Variants in CYP19A1 observed in about 807,000 individuals in gnomAD.
The protein encoded by CYP19A1 is cytochrome P450 family 19 subfamily A member 1.
A neutral mutation model predicts 44.4 loss-of-function variants in CYP19A1; 32 were observed. That is an observed-to-expected ratio of 0.72 (90% confidence interval 0.54 to 0.97). The LOEUF (loss-of-function observed/expected upper bound fraction) is 0.97. CYP19A1 is among the 50% of genes least tolerant of loss of function. The probability of loss-of-function intolerance (pLI) is 0.00; values close to 1 mark genes in which losing one functional copy is unlikely to be tolerated. For synonymous variants in CYP19A1, 212 were observed against 215.6 expected, an observed-to-expected ratio of 0.98 and a Z score of 0.14; for missense variants, 598 against 637.8, an observed-to-expected ratio of 0.94 and a Z score of 0.67.
intron 2 of CYP19A1, among the ~76,000 whole-genome samples, chr15:51,239,301 C>T (rs996340284): frequency 3.3e-5 from 5 of 152,160 alleles, no homozygotes; most frequent in African/African-American, 9.7e-5. Flanking sequence ...TTGCTTTCCA[C>T]GCCTTACAGA....
intron 1 of CYP19A1, chr15:51,255,376 A>G (rs2034474615): frequency 6.6e-6 from 1 of 152,212 alleles, no homozygotes; most frequent in Non-Finnish European, 1.5e-5. Flanking sequence ...TGTGTTCACC[A>G]TTTCTCATTA....
chr15:51,302,502 A>G (rs2036135572), intron 1 of CYP19A1, among the ~76,000 whole-genome samples: 1 of 152,212 alleles, frequency 6.6e-6, no homozygotes, highest in Non-Finnish European at 1.5e-5. Context: ...TATTTTCATC[A>G]GGGCAATGGT....
chr15:51,328,547 G>GGGGTGT (rs1555400229), intron 1 of CYP19A1, among the ~76,000 whole-genome samples: 1 of 147,318 alleles, frequency 6.8e-6, no homozygotes, highest in African/African-American at 2.5e-5. Flanking sequence ...ACAGGGCAGG[G>GGGGTGT]GTGTGTGTGT....
Position 51,227,742 on chromosome 15 carries a change from G to A in CYP19A1, c.451+37C>T, listed in dbSNP as rs776672913. 1.7e-5 allele frequency: 14 copies of A among 803,624 alleles called. 2 individuals carry two copies. In the South Asian group the frequency reaches 2.1e-4, roughly 12 times the overall value. The allele number at this position is 803,624 out of a possible 1,614,324, so 49.8% of individuals were successfully genotyped here. Reference sequence around the variant, plus strand: ...TGATTTCAAAAAAGGCACATTCATAGACAAAAAAGATTGTAGCTAACTAAG... The same window carrying A: ...TGATTTCAAAAAAGGCACATTCATAAACAAAAAAGATTGTAGCTAACTAAG... On this transcript the variant is annotated intron_variant, in intron 4 of 9. Transcript: ENST00000396402.
chr15:51,279,625 A>T lies in CYP19A1; in HGVS notation c.-38-36675T>A, dbSNP rs1210902634. ...TGAGTGAAAACTGACACATGCACCG[A>T]TGACATATACATTTCCCTTAAAGTC... On this transcript the variant is annotated intron_variant, in intron 1 of 9. Coordinates refer to ENST00000396402, the MANE Select transcript of CYP19A1 (RefSeq NM_000103.4). Among the ~76,000 whole-genome samples, 3 of 152,362 alleles carry T rather than the reference A, an allele frequency of 2.0e-5. No individual in the cohort carries two copies. In the East Asian group the frequency reaches 5.8e-4, roughly 29 times the overall value.
chr15:51,277,543 TA>T (rs1429479898), intron 1 of CYP19A1, among the ~76,000 whole-genome samples: 1 of 152,234 alleles, frequency 6.6e-6, no homozygotes, highest in East Asian at 1.9e-4. Context: ...GACATTGGAT[TA>T]AAAAGCTAAA....
chr15:51,297,549 G>T (rs1395139845), intron 1 of CYP19A1, among the ~76,000 whole-genome samples: 1 of 149,134 alleles, frequency 6.7e-6, no homozygotes, highest in Non-Finnish European at 1.5e-5. Flanking sequence ...TGACCCAGGG[G>T]TCAGTTCTAA....
At chr15:51,313,630 C>G (rs913522977) in intron 1 of CYP19A1, among the ~76,000 whole-genome samples, 5 of 152,132 alleles carry the variant, frequency 3.3e-5, no homozygotes, top group African/African-American at 1.2e-4. Context: ...AATCCCATCT[C>G]TACTAAAAAT....
chr15:51,228,515 ACTT>A (rs1595691890), intron 3 of CYP19A1, among the ~76,000 whole-genome samples: 1 of 152,180 alleles, frequency 6.6e-6, no homozygotes, highest in South Asian at 2.1e-4. Flanking sequence ...CTCCTTGGGC[ACTT>A]CTTCTAGCCC....
intron 1 of CYP19A1, among the ~76,000 whole-genome samples, chr15:51,332,101 A>T (rs2036711452): frequency 1.3e-5 from 2 of 152,146 alleles, no homozygotes; most frequent in African/African-American, 4.8e-5. Flanking sequence ...TTACTTATTT[A>T]AGCCCCCTTG....
At chr15:51,252,555 C>T (rs559358347) in intron 1 of CYP19A1, among the ~76,000 whole-genome samples, 8 of 152,144 alleles carry the variant, frequency 5.3e-5, no homozygotes, top group East Asian at 3.9e-4. Context: ...CAGTGAGAAA[C>T]GTTTAAGGGG....
At chr15:51,223,466 T>A (rs1454234437) in intron 4 of CYP19A1, among the ~76,000 whole-genome samples, 1 of 152,102 alleles carries the variant, frequency 6.6e-6, no homozygotes, top group Non-Finnish European at 1.5e-5. Context: ...TCTTTTATTA[T>A]TCAGGTTTGC....
rs745845217 is a variant in CYP19A1, at chr15:51,227,854, C to T, written c.376G>A (p.Gly126Ser). Reference protein sequence around the residue: ...FGSKLGLQCIGMHEKGIIFNN... With the variant: ...FGSKLGLQCISMHEKGIIFNN... ...AATATGATGCCTTTCTCATGCATAC[C>T]GATGCACTGCAGCCCAAGTTTGCTG... The change falls in exon 4 of 10, where the codon GGT (glycine) becomes AGT (serine). Residue 126 changes from glycine (G) to serine (S), a missense_variant. Physicochemically the swap from Gly to Ser is moderately conservative, Grantham distance 56 (BLOSUM62 0). Coordinates refer to ENST00000396402, the MANE Select transcript of CYP19A1 (RefSeq NM_000103.4). 30 of 1,517,446 alleles carry T rather than the reference C, an allele frequency of 2.0e-5. No individual in the cohort carries two copies. Among genetic ancestry groups the T allele is most frequent in the Middle Eastern group, 1.7e-4 (1 of 5,904 alleles). 94.0% of individuals were successfully genotyped at this position (1,517,446 alleles called of 1,614,324 possible).
At chr15:51,290,466 C>CA (rs2140986851) in intron 1 of CYP19A1, among the ~76,000 whole-genome samples, 1 of 152,336 alleles carries the variant, frequency 6.6e-6, no homozygotes, top group African/African-American at 2.4e-5. Context: ...GAACTGGCTA[C>CA]ACATCCTGTT....
chr15:51,303,966 G>C (rs2036164477), intron 1 of CYP19A1, among the ~76,000 whole-genome samples: 1 of 152,060 alleles, frequency 6.6e-6, no homozygotes, highest in Non-Finnish European at 1.5e-5. Context: ...CAAATGCAGA[G>C]AGGAGGGCAG....
At chr15:51,280,707 G>C (rs1213923766) in intron 1 of CYP19A1, among the ~76,000 whole-genome samples, 6 of 152,202 alleles carry the variant, frequency 3.9e-5, no homozygotes, top group Non-Finnish European at 8.8e-5. Flanking sequence ...TTGGACCCAT[G>C]AGGGCTTGGC....
At chr15:51,296,107 C>T (rs1378235136) in intron 1 of CYP19A1, among the ~76,000 whole-genome samples, 2 of 151,824 alleles carry the variant, frequency 1.3e-5, no homozygotes, top group Non-Finnish European at 2.9e-5. Context: ...AAGATTGCAT[C>T]TTTCTAGAGC....
intron 1 of CYP19A1, among the ~76,000 whole-genome samples, chr15:51,273,566 T>C (rs1006516741): frequency 6.6e-6 from 1 of 152,142 alleles, no homozygotes; most frequent in Admixed American, 6.5e-5. Flanking sequence ...AGCACTGGAA[T>C]GGGAGTCAAG....
intron 1 of CYP19A1, among the ~76,000 whole-genome samples, chr15:51,243,370 T>G (rs1227614577): frequency 6.6e-6 from 1 of 152,172 alleles, no homozygotes; most frequent in Non-Finnish European, 1.5e-5. Context: ...CCAAATCAAT[T>G]TCAAAACAAA....
Sources: allele counts gnomAD v4.1 joint callset (sites outside exome capture counted in the v4.1 genomes callset), GRCh38; gene constraint gnomAD v4.1.1; transcripts MANE v1.5; gene names NCBI Gene and HGNC (gene_info 2026-07-23, HGNC 2026-07-21).